TAFA1: variants seen among roughly 807,000 people sequenced by gnomAD.
The protein encoded by TAFA1 is chemokine-like protein TAFA-1.
A neutral mutation model predicts 18.5 loss-of-function variants in TAFA1; 4 were observed. The observed-to-expected ratio is 0.22, with a 90% CI of 0.11 to 0.49. TAFA1 has a LOEUF of 0.49. Among genes scored for constraint, TAFA1 ranks in the 20% least tolerant of loss-of-function variants. The pLI, the probability that TAFA1 is intolerant of heterozygous loss-of-function variation, is 0.98. For synonymous variants in TAFA1, 56 were observed against 55.2 expected (o/e 1.01, Z -0.06); for missense variants, 147 against 169.0 (o/e 0.87, Z 0.72).
At chr3:68,094,141 T>C (rs1029970152) in intron 2 of TAFA1, among the ~76,000 whole-genome samples, 1 of 152,098 alleles carries the variant, frequency 6.6e-6, no homozygotes, top group Non-Finnish European at 1.5e-5. Context: ...GATACTGTGA[T>C]TTAAGATGAA....
At chr3:68,280,259 A>G (rs1193902027) in intron 2 of TAFA1, among the ~76,000 whole-genome samples, 1 of 152,172 alleles carries the variant, frequency 6.6e-6, no homozygotes, top group Non-Finnish European at 1.5e-5. Flanking sequence ...GACTGAGACT[A>G]TAATTGTCCA....
At chr3:68,417,251 C>T in intron 2 of TAFA1, 29 bp from the exon 3 acceptor site, 1 of 1,607,464 alleles carries the variant, frequency 6.2e-7, no homozygotes, top group Non-Finnish European at 8.5e-7. Flanking sequence ...TATTTCTAAT[C>T]AGTGTCCCTG....
chr3:68,417,181 T>C (rs1435660205), intron 2 of TAFA1, 99 bp from the exon 3 acceptor site: 4 of 893,518 alleles, frequency 4.5e-6, no homozygotes, highest in Non-Finnish European at 6.9e-6. Context: ...TTTCTATAAT[T>C]TCAATTACTT....
chr3:68,113,817 G>A (rs1228451389), intron 2 of TAFA1, among the ~76,000 whole-genome samples: 1 of 150,486 alleles, frequency 6.6e-6, no homozygotes, highest in African/African-American at 2.4e-5. Context: ...TCATCAAAAG[G>A]TAGAGTCTTG....
At chr3:68,118,365 T>C (rs1265244165) in intron 2 of TAFA1, among the ~76,000 whole-genome samples, 2 of 152,142 alleles carry the variant, frequency 1.3e-5, no homozygotes, top group African/African-American at 2.4e-5. Context: ...CAGGCTGTAA[T>C]GCGAACCATG....
At chr3:68,059,698 G>A (rs2064578067) in intron 2 of TAFA1, among the ~76,000 whole-genome samples, 1 of 152,310 alleles carries the variant, frequency 6.6e-6, no homozygotes, top group Middle Eastern at 3.4e-3. Flanking sequence ...ATAATGAATA[G>A]TCTTTATCTA....
At chr3:68,398,084 G>A (rs553068913) in intron 2 of TAFA1, among the ~76,000 whole-genome samples, 1 of 151,756 alleles carries the variant, frequency 6.6e-6, no homozygotes, top group South Asian at 2.1e-4. Flanking sequence ...AATTTCATAT[G>A]GAATAAAAAA....
chr3:68,173,674 T>C (rs1207184448), intron 2 of TAFA1, among the ~76,000 whole-genome samples: 1 of 152,196 alleles, frequency 6.6e-6, no homozygotes, highest in East Asian at 1.9e-4. Context: ...CACTCTCATA[T>C]TGCTTATTGT....
At chr3:68,080,656 G>T (rs1018538851) in intron 2 of TAFA1, among the ~76,000 whole-genome samples, 1 of 152,112 alleles carries the variant, frequency 6.6e-6, no homozygotes, top group Admixed American at 6.5e-5. Flanking sequence ...CTCTCTTCTG[G>T]CTTGTAGGGT....
At chr3:68,068,318 A>G (rs1222300405) in intron 2 of TAFA1, among the ~76,000 whole-genome samples, 2 of 152,204 alleles carry the variant, frequency 1.3e-5, no homozygotes, top group Non-Finnish European at 2.9e-5. Context: ...AAGGACTTTA[A>G]TGCATTCCTC....
rs571889078 is a variant in TAFA1 at position 68,297,913 on chromosome 3, G to A, written c.119-119367G>A. ...TCAGTAAGTCTAGCATTTTCCAATA[G>A]TGCTATATTTATCTTGTTTTTCACT... On this transcript the variant is annotated intron_variant, in intron 2 of 4. Transcript: ENST00000478136. Among the ~76,000 whole-genome samples the A allele has an allele frequency of 2.6e-5, 4 of 152,162 alleles. No homozygotes were observed. The South Asian group carries it at 8.3e-4, about 32-fold the overall frequency.
At chr3:68,199,794 C>T (rs1450011638) in intron 2 of TAFA1, among the ~76,000 whole-genome samples, 1 of 151,366 alleles carries the variant, frequency 6.6e-6, no homozygotes, top group Non-Finnish European at 1.5e-5. Flanking sequence ...CATTTGAGAA[C>T]AAAGAGTTTT....
chr3:68,279,055 A>G (rs1164962372), intron 2 of TAFA1, among the ~76,000 whole-genome samples: 2 of 152,150 alleles, frequency 1.3e-5, no homozygotes, highest in African/African-American at 4.8e-5. Flanking sequence ...AAATTTGAGT[A>G]TCAGGTCCTC....
chr3:68,064,822 A>C (rs2064653698), intron 2 of TAFA1, among the ~76,000 whole-genome samples: 1 of 152,070 alleles, frequency 6.6e-6, no homozygotes, highest in Non-Finnish European at 1.5e-5. Flanking sequence ...TAATAAGATC[A>C]GCAAAGATGC....
chr3:68,344,093 T>TG (rs1306719832), intron 2 of TAFA1, among the ~76,000 whole-genome samples: 1 of 152,218 alleles, frequency 6.6e-6, no homozygotes, highest in Non-Finnish European at 1.5e-5. Context: ...TCTGCCTGCC[T>TG]GGGCCTCCCA....
upstream of TAFA1, among the ~76,000 whole-genome samples, chr3:68,003,633 G>A (rs913788986): frequency 6.7e-5 from 10 of 149,768 alleles, no homozygotes; most frequent in South Asian, 2.1e-4. Context: ...GGTTCAAACC[G>A]TAGTAAGAGG....
chr3:68,226,113 A>G (rs1004538478), intron 2 of TAFA1, among the ~76,000 whole-genome samples: 2 of 152,208 alleles, frequency 1.3e-5, no homozygotes, highest in African/African-American at 4.8e-5. Flanking sequence ...ATTGATGGAA[A>G]AGTGTTGTGA....
chr3:68,390,732 A>G (rs1306945240), intron 2 of TAFA1, among the ~76,000 whole-genome samples: 1 of 152,242 alleles, frequency 6.6e-6, no homozygotes, highest in Non-Finnish European at 1.5e-5. Flanking sequence ...GTAGACCTCC[A>G]GCAAACTCCA....
intron 2 of TAFA1, among the ~76,000 whole-genome samples, chr3:68,315,275 G>A (rs183114724): frequency 2.0e-5 from 3 of 152,198 alleles, no homozygotes; most frequent in Non-Finnish European, 2.9e-5. Flanking sequence ...AAACTTGTCC[G>A]AGACATGCTT....
Sources: allele counts gnomAD v4.1 joint callset (sites outside exome capture counted in the v4.1 genomes callset), GRCh38; gene constraint gnomAD v4.1.1; transcripts MANE v1.5; gene names NCBI Gene and HGNC (gene_info 2026-07-23, HGNC 2026-07-21).